Variants in MDN1 observed in about 807,000 individuals in gnomAD.
The protein encoded by MDN1 is midasin AAA ATPase 1, also known as midasin.
A neutral mutation model predicts 669.2 loss-of-function variants in MDN1; 266 were observed. That is an observed-to-expected ratio of 0.40 (90% CI 0.36 to 0.44). The LOEUF (loss-of-function observed/expected upper bound fraction) is 0.44. Among genes scored for constraint, MDN1 ranks in the 20% least tolerant of loss-of-function variants. MDN1 has a pLI of 1.00. For missense variants in MDN1, 5,940 were observed against 6,754.0 expected, an observed-to-expected ratio of 0.88 and a Z score of 4.22; for synonymous variants, 2,385 against 2,457.1, an observed-to-expected ratio of 0.97 and a Z score of 0.87.
chr6:89,750,350 C>G lies in MDN1; in HGVS notation c.3406+4G>C. 6.2e-7 allele frequency: 1 copy of G among 1,603,126 alleles called. No individual in the cohort carries two copies. The highest frequency in any genetic ancestry group is 8.5e-7 in the Non-Finnish European group (1 of 1,170,980). On this transcript the variant is annotated splice_donor_region_variant and intron_variant, in intron 24 of 101. Coordinates refer to ENST00000369393, the MANE Select transcript of MDN1 (RefSeq NM_014611.3). ...ATGTCCATGGAATGGAATCTTAACC[C>G]TACCTTCCTTAAAGACAAGCTTCCC... is the stretch of plus-strand genomic sequence containing the variant.
chr6:89,770,261 G>A (rs1235541042), intron 15 of MDN1, among the ~76,000 whole-genome samples: 1 of 151,888 alleles, frequency 6.6e-6, no homozygotes, highest in African/African-American at 2.4e-5. Context: ...AAAATTAGCT[G>A]GGCATGGTGG....
chr6:89,682,978 G>T (rs1406027988), intron 73 of MDN1, among the ~76,000 whole-genome samples, 154 bp downstream of exon 73: 2 of 151,446 alleles, frequency 1.3e-5, no homozygotes, highest in Non-Finnish European at 2.9e-5. Flanking sequence ...GCCTTATTCT[G>T]CAGGGAAGTC....
In MDN1 at chr6:89,694,110, T is replaced by C. The variant is rs1230782994; in HGVS notation, c.9845A>G (p.Asp3282Gly). Reference protein sequence around the residue: ...SQLQTGRDLEDEVVVSYSHPH... With the variant: ...SQLQTGRDLEGEVVVSYSHPH... The stretch of plus-strand genomic sequence containing the variant: ...ATGAGAGTAGCTGACAACGACTTCA[T>C]CTTCCAGGTCTCTTCCAGTCTGCAG... Residue 3282 changes from aspartate (D) to glycine (G), a missense_variant, in exon 62 of 102, where the codon GAT (aspartate) becomes GGT (glycine). Asp to Gly is a moderately conservative substitution (Grantham distance 94). Transcript: ENST00000369393. 6.2e-7 allele frequency: 1 copy of C among 1,614,250 alleles called. No homozygotes were observed. Among genetic ancestry groups the C allele is most frequent in the African/African-American group, 1.3e-5 (1 of 75,062 alleles).
chr6:89,674,966 T>A (rs1468243569), intron 78 of MDN1, among the ~76,000 whole-genome samples: 3 of 152,182 alleles, frequency 2.0e-5, no homozygotes, highest in African/African-American at 7.2e-5. Flanking sequence ...ACGACAACCT[T>A]CCTAACTGTC....
chr6:89,704,823 G>A (rs1445771711), intron 53 of MDN1, among the ~76,000 whole-genome samples: 1 of 152,084 alleles, frequency 6.6e-6, no homozygotes, highest in Non-Finnish European at 1.5e-5. Context: ...CTCGTGATCC[G>A]CCCACCTCAG....
intron 2 of MDN1, among the ~76,000 whole-genome samples, chr6:89,799,142 A>G (rs907432139): frequency 7.9e-5 from 12 of 152,214 alleles, no homozygotes; most frequent in Non-Finnish European, 1.5e-4. Flanking sequence ...GTATGGCCGC[A>G]TGACTGGCCA....
At position 89,804,628 on chromosome 6, in the gene MDN1, G is replaced by A. The variant is rs190291038; in HGVS notation, c.103-1074C>T. On this transcript the variant is annotated intron_variant, in intron 1 of 101. Coordinates refer to ENST00000369393, the MANE Select transcript of MDN1 (RefSeq NM_014611.3). ...AGAGGTAAAAAATTAATTCCTGGGAGTGAATGAGGATATCCCTATCAAGCT... is the reference window on the plus strand; with the variant it reads ...AGAGGTAAAAAATTAATTCCTGGGAATGAATGAGGATATCCCTATCAAGCT... 1.8e-3 allele frequency among the ~76,000 whole-genome samples: 269 copies of A among 152,272 alleles called. 1 individual carries two copies. Among genetic ancestry groups the A allele is most frequent in the Non-Finnish European group, 3.3e-3 (222 of 68,030 alleles).
At position 89,751,446 on chromosome 6, in the gene MDN1, C is replaced by T. The variant is rs151315441; in HGVS notation, c.3212G>A (p.Arg1071Gln). Residue 1071 changes from arginine to glutamine, a missense_variant, in exon 23 of 102, where the codon CGA becomes CAA. Physicochemically the swap from Arg to Gln is conservative, Grantham distance 43. Around this residue, in one of 5 missense-constraint regions of MDN1, gnomAD observed 15 missense variants for 36.2 expected, o/e 0.41. Coordinates refer to ENST00000369393, the MANE Select transcript of MDN1 (RefSeq NM_014611.3). The stretch of plus-strand genomic sequence containing the variant: ...GCCCACACACCCTGCAGAGACAACT[C>T]GGACTATATCTCTCAGGTTCAGCTT... ...SVKLNLRDIVRVVSAGTYPVL... is the reference protein window; with the variant it reads ...SVKLNLRDIVQVVSAGTYPVL... The T allele has an allele frequency of 2.2e-5, 36 of 1,614,168 alleles. No individual in the cohort carries two copies. The African/African-American group carries it at 2.5e-4, about 11-fold the overall frequency.
At position 89,719,017 on chromosome 6, in the gene MDN1, A is replaced by G; in HGVS notation, c.6071T>C (p.Val2024Ala). 1.9e-6 allele frequency: 3 copies of G among 1,614,174 alleles called. No homozygotes were observed. Among genetic ancestry groups the G allele is most frequent in the Non-Finnish European group, 2.5e-6 (3 of 1,180,030 alleles). The change falls in exon 42 of 102, where the codon GTC becomes GCC. Residue 2024 changes from valine (V) to alanine (A), a missense_variant. Transcript: ENST00000369393. The stretch of plus-strand genomic sequence containing the variant: ...AGGAACACAGCTCCCACGGGAAAGG[A>G]CTGAGTAGCCCAACTGAAAAGACAT... ...TPYDVQLGYS[V>A]LSRGSCVPHP...
chr6:89,785,172 T>G lies in MDN1; in HGVS notation c.1335-46A>C, dbSNP rs199609683. On this transcript the variant is annotated intron_variant, in intron 8 of 101. Transcript: ENST00000369393. ...CACAGTCACACAAAATTCCAAATTT[T>G]AATCCTGAATTGTGCCTCTGGATAT... 2.7e-4 allele frequency: 360 copies of G among 1,310,012 alleles called. 1 individual carries two copies. The highest frequency in any genetic ancestry group is 5.4e-4 in the Admixed American group (32 of 59,046). 81.1% of individuals were successfully genotyped at this position (1,310,012 alleles called of 1,614,324 possible).
At position 89,741,238 on chromosome 6, in the gene MDN1, A is replaced by G. The variant is rs1456400557; in HGVS notation, c.4449-860T>C. Among the ~76,000 whole-genome samples, 4 of 152,194 alleles carry G rather than the reference A, an allele frequency of 2.6e-5. No homozygotes were observed. In the East Asian group the frequency reaches 5.8e-4, roughly 22 times the overall value. On this transcript the variant is annotated intron_variant, in intron 31 of 101. Transcript: ENST00000369393. Reference sequence around the variant, plus strand: ...TACAGCAGGATGCTGTCTCAAAACAAAACAAACACAAAAACTAAATTGTGA... The same window carrying G: ...TACAGCAGGATGCTGTCTCAAAACAGAACAAACACAAAAACTAAATTGTGA...
In MDN1 at chr6:89,762,450, T is replaced by C. The variant is rs184640397; in HGVS notation, c.2225A>G (p.Lys742Arg). 19 of 1,614,170 alleles carry C rather than the reference T, an allele frequency of 1.2e-5. No individual in the cohort carries two copies. Among genetic ancestry groups the C allele is most frequent in the Middle Eastern group, 3.3e-4 (2 of 6,062 alleles). Residue 742 changes from lysine (K) to arginine (R), a missense_variant, in exon 16 of 102, where the codon AAG becomes AGG. Transcript: ENST00000369393. ...CCCCAAGAACGTAAAGTTTTGTTTC[T>C]TGGAAAATGTCTGAGCAAAGAGTTC... is the stretch of plus-strand genomic sequence containing the variant. ...FEELFAQTFSKKQNFTFLGHI... is the reference protein window; with the variant it reads ...FEELFAQTFSRKQNFTFLGHI...
Position 89,674,312 on chromosome 6 carries a change from C to A in MDN1, c.13039G>T (p.Val4347Leu). 6.2e-7 allele frequency: 1 copy of A among 1,614,258 alleles called. No individual in the cohort carries two copies. The highest frequency in any genetic ancestry group is 8.5e-7 in the Non-Finnish European group (1 of 1,180,046). The change falls in exon 79 of 102, where the codon GTA becomes TTA. Residue 4347 changes from valine to leucine, a missense_variant. Physicochemically the swap from Val to Leu is conservative, Grantham distance 32 (BLOSUM62 1). This residue lies in a region of MDN1 where 2,280 missense variants were observed against 2,576.3 expected (regional missense o/e 0.88). Transcript: ENST00000369393. Reference sequence around the variant, plus strand: ...TTGGAAGGAATTAGGTCCAGCACTACTCCACAAAGTTGTCCCTTGCTAAGT... The same window carrying A: ...TTGGAAGGAATTAGGTCCAGCACTAATCCACAAAGTTGTCCCTTGCTAAGT... ...PELSKGQLCGVVLDLIPSNLS... is the reference protein window; with the variant it reads ...PELSKGQLCGLVLDLIPSNLS...
At chr6:89,774,760 T>A in intron 12 of MDN1, 27 bp from the exon 13 acceptor site, 1 of 1,485,766 alleles carries the variant, frequency 6.7e-7, no homozygotes, top group Non-Finnish European at 9.4e-7. Flanking sequence ...TTTACCTGAG[T>A]AAAAATCCAC....
At chr6:89,665,967 G>T (rs2128302382) in intron 84 of MDN1, among the ~76,000 whole-genome samples, 1 of 152,292 alleles carries the variant, frequency 6.6e-6, no homozygotes, top group African/African-American at 2.4e-5. Flanking sequence ...TTGAACCCGG[G>T]AGCTGGAGGT....
Position 89,708,507 on chromosome 6 carries a change from T to A in MDN1, c.7887A>T (p.Ser2629=). 6.2e-7 allele frequency: 1 copy of A among 1,614,010 alleles called. No homozygotes were observed. Among genetic ancestry groups the A allele is most frequent in the Non-Finnish European group, 8.5e-7 (1 of 1,179,952 alleles). ...QPDQLFALLE[S]AANKTIIYLD... is the part of the protein sequence containing the mutation. ...CAGGTTTCACTTACTTGTTTGCAGC[T>A]GATTCTAAAAGGGCAAAGAGCTGGT... The change falls in exon 51 of 102, where the codon TCA becomes TCT. Residue 2629 remains serine, a synonymous_variant. Transcript: ENST00000369393.
Position 89,718,434 on chromosome 6 carries a change from T to C in MDN1, c.6515A>G (p.Asn2172Ser). The part of the protein sequence containing the change: ...GGKAITMEIV[N>S]KLEAVLLLMQ... ...AAGCAATAACACTGCTTCTAGTTTGTTGACAATCTCCATCGTGATAGCTTT... is the reference window on the plus strand; with the variant it reads ...AAGCAATAACACTGCTTCTAGTTTGCTGACAATCTCCATCGTGATAGCTTT... The change falls in exon 43 of 102, where the codon AAC becomes AGC. Residue 2172 changes from asparagine (N) to serine (S), a missense_variant. By Grantham distance (46) the Asn-to-Ser change is conservative. This residue lies in a region of MDN1 where 2,292 missense variants were observed against 2,638.3 expected (regional missense o/e 0.87). Transcript: ENST00000369393. 1 of 1,614,166 alleles carries C rather than the reference T, an allele frequency of 6.2e-7. No individual in the cohort carries two copies. Among genetic ancestry groups the C allele is most frequent in the Non-Finnish European group, 8.5e-7 (1 of 1,180,024 alleles).
At chr6:89,663,883 A>C (rs1485768025) in intron 85 of MDN1, among the ~76,000 whole-genome samples, 1 of 151,494 alleles carries the variant, frequency 6.6e-6, no homozygotes, top group Non-Finnish European at 1.5e-5. Flanking sequence ...TGGAGCTTGC[A>C]GTCAGCCGAG....
intron 74 of MDN1, among the ~76,000 whole-genome samples, chr6:89,679,737 T>C (rs982658463): frequency 3.3e-5 from 5 of 152,198 alleles, no homozygotes; most frequent in African/African-American, 1.2e-4. Context: ...CCACCCAGTC[T>C]GTGGTACTAT....
Sources: allele counts gnomAD v4.1 joint callset (sites outside exome capture counted in the v4.1 genomes callset), GRCh38; gene constraint gnomAD v4.1.1; regional missense constraint gnomAD v4.1.1; transcripts MANE v1.5; gene names NCBI Gene and HGNC (gene_info 2026-07-23, HGNC 2026-07-21).